Variants in SPEF2 observed in about 807,000 individuals in gnomAD.
SPEF2 encodes the protein sperm flagella and cilia-associated protein 2.
A neutral mutation model predicts 224.6 loss-of-function variants in SPEF2; 187 were observed. That is an observed-to-expected ratio of 0.83 (90% confidence interval 0.74 to 0.94). SPEF2 has a LOEUF of 0.94. Ranked by LOEUF, SPEF2 falls within the 40% of genes least tolerant of loss-of-function variation. The pLI is 0.00. For missense variants in SPEF2, 2,170 were observed against 2,135.6 expected, an observed-to-expected ratio of 1.02 and a Z score of -0.32; for synonymous variants, 715 against 707.3, an observed-to-expected ratio of 1.01 and a Z score of -0.17.
Position 35,670,057 on chromosome 5 carries a change from A to T in SPEF2, c.1356-2A>T, listed in dbSNP as rs1379883491. 6.3e-7 allele frequency: 1 copy of T among 1,585,336 alleles called. No homozygotes were observed. The highest frequency in any genetic ancestry group is 8.5e-7 in the Non-Finnish European group (1 of 1,170,472). ...CATCTCTACCTTTTTTTTGTGCGAT[A>T]GTCTGATTCCGTATAAGTTGATGCA... is the stretch of plus-strand genomic sequence containing the variant. On this transcript the variant is annotated splice_acceptor_variant, in intron 9 of 36. Coordinates refer to ENST00000356031, the MANE Select transcript of SPEF2 (RefSeq NM_024867.4). LOFTEE classifies it high-confidence loss of function.
In SPEF2 at chr5:35,789,442, A is replaced by T. The variant is rs1247913546; in HGVS notation, c.4448-2898A>T. On this transcript the variant is annotated intron_variant, in intron 30 of 36. Transcript: ENST00000356031. ...TTTGACTTGCGAAATTATCTGCCAG[A>T]TGTTTCTTCATTTAATTTGTTAGTT... 4.4e-6 allele frequency: 3 copies of T among 680,278 alleles called. No individual in the cohort carries two copies. The African/African-American group carries it at 5.3e-5, about 12-fold the overall frequency. The allele number at this position is 680,278 out of a possible 1,614,324, so 42.1% of individuals were successfully genotyped here.
At chr5:35,706,432 A>G (rs2149581560) in intron 18 of SPEF2, among the ~76,000 whole-genome samples, 1 of 152,130 alleles carries the variant, frequency 6.6e-6, no homozygotes, top group African/African-American at 2.4e-5. Context: ...CTAACTTTTT[A>G]TACTATTATT....
intron 8 of SPEF2, among the ~76,000 whole-genome samples, chr5:35,660,803 G>T (rs1374451022): frequency 6.6e-6 from 1 of 152,130 alleles, no homozygotes; most frequent in Non-Finnish European, 1.5e-5. Flanking sequence ...TAGCTGGACT[G>T]GTCTCACAGT....
In SPEF2 at chr5:35,800,027, G is replaced by A; in HGVS notation, c.4890G>A (p.Gln1630=). 1 of 1,614,108 alleles carries A rather than the reference G, an allele frequency of 6.2e-7. No homozygotes were observed. The highest frequency in any genetic ancestry group is 8.5e-7 in the Non-Finnish European group (1 of 1,180,016). Residue 1630 remains glutamine (Q), a synonymous_variant, in exon 34 of 37, where the codon CAG becomes CAA. Coordinates refer to ENST00000356031, the MANE Select transcript of SPEF2 (RefSeq NM_024867.4). ...EKDPPQLDYT[Q]MLLYFACHPD... is the part of the protein sequence containing the mutation. ...ATCCACCCCAGCTTGACTACACACA[G>A]ATGCTGCTTTACTTTGCTTGCCACC... is the stretch of plus-strand genomic sequence containing the variant.
chr5:35,705,404 A>G (rs1007058331), intron 17 of SPEF2, among the ~76,000 whole-genome samples: 1 of 151,982 alleles, frequency 6.6e-6, no homozygotes, highest in Non-Finnish European at 1.5e-5. Flanking sequence ...AGAGACCTGT[A>G]CTCCTACTAA....
intron 19 of SPEF2, chr5:35,710,834 T>C: frequency 3.0e-6 from 3 of 985,368 alleles, no homozygotes; most frequent in Non-Finnish European, 3.6e-6. Flanking sequence ...AAATAATAAA[T>C]CTATTGTTGC....
chr5:35,664,293 GAGGAAAGAAGGA>G (rs1750138921), intron 8 of SPEF2, among the ~76,000 whole-genome samples: 1 of 125,448 alleles, frequency 8.0e-6, no homozygotes, highest in Non-Finnish European at 1.7e-5. Flanking sequence ...AAAAAAAAAA[GAGGAAAGAAGGA>G]AGGAAGGAAG....
intron 26 of SPEF2, among the ~76,000 whole-genome samples, chr5:35,769,472 T>C (rs770900907): frequency 1.1e-4 from 16 of 152,290 alleles, no homozygotes; most frequent in Non-Finnish European, 1.8e-4. Flanking sequence ...AACCTTTCTG[T>C]ATTCCTCCAA....
chr5:35,690,970 A>T, intron 10 of SPEF2, 67 bp from the exon 11 acceptor site: 1 of 1,327,412 alleles, frequency 7.5e-7, no homozygotes, highest in Non-Finnish European at 1.0e-6. Context: ...TTTAACATTT[A>T]AATATTTCAT....
intron 30 of SPEF2, chr5:35,791,548 C>T (rs1755959255): frequency 6.6e-6 from 1 of 152,124 alleles, no homozygotes; most frequent in African/African-American, 2.4e-5. Flanking sequence ...CCTGGATACA[C>T]ATTAGGAGTC....
intron 19 of SPEF2, chr5:35,709,534 AAC>A (rs1393019507): frequency 2.0e-6 from 2 of 988,074 alleles, no homozygotes; most frequent in African/African-American, 3.5e-5. Context: ...AGAATAAGGG[AAC>A]AAATTAACAG....
At chr5:35,648,801 G>A (rs1580117327) in intron 5 of SPEF2, among the ~76,000 whole-genome samples, 1 of 152,146 alleles carries the variant, frequency 6.6e-6, no homozygotes, top group Middle Eastern at 3.4e-3. Context: ...ATCACCTGAG[G>A]TCAGGAGTTT....
intron 2 of SPEF2, among the ~76,000 whole-genome samples, chr5:35,640,937 G>T (rs1162479991): frequency 3.9e-5 from 6 of 152,044 alleles, no homozygotes; most frequent in Non-Finnish European, 8.8e-5. Context: ...GTGCTTTTAG[G>T]TTAGACTGTA....
In SPEF2 at chr5:35,807,122, T is replaced by C; in HGVS notation, c.5257-9T>C. On this transcript the variant is annotated splice_polypyrimidine_tract_variant and intron_variant, in intron 35 of 36. Coordinates refer to ENST00000356031, the MANE Select transcript of SPEF2 (RefSeq NM_024867.4). ...GGTTGATTAACTTCATTTTTTTTCTTCCTTAAAGGGCTTCATAAAAACATT... is the reference window on the plus strand; with the variant it reads ...GGTTGATTAACTTCATTTTTTTTCTCCCTTAAAGGGCTTCATAAAAACATT... 3.7e-6 allele frequency: 6 copies of C among 1,603,230 alleles called. No individual in the cohort carries two copies. Among genetic ancestry groups the C allele is most frequent in the Non-Finnish European group, 5.1e-6 (6 of 1,177,492 alleles).
chr5:35,760,257 G>A (rs994661224), intron 25 of SPEF2, among the ~76,000 whole-genome samples: 1 of 151,860 alleles, frequency 6.6e-6, no homozygotes, highest in Non-Finnish European at 1.5e-5. Context: ...CAGCTACTCA[G>A]GAGGCTGAGG....
At chr5:35,800,172 A>G in intron 34 of SPEF2, 25 bp downstream of exon 34, 3 of 1,611,828 alleles carry the variant, frequency 1.9e-6, no homozygotes, top group African/African-American at 1.3e-5. Flanking sequence ...GAAATAGACT[A>G]ACTATAGAGT....
intron 23 of SPEF2, among the ~76,000 whole-genome samples, chr5:35,752,217 C>T (rs940484805): frequency 2.4e-4 from 37 of 152,098 alleles, no homozygotes; most frequent in African/African-American, 6.3e-4. Flanking sequence ...TACCACCTCG[C>T]GGCCCAAGGG....
chr5:35,658,798 G>A (rs1226237199), intron 7 of SPEF2, among the ~76,000 whole-genome samples: 1 of 151,992 alleles, frequency 6.6e-6, no homozygotes, highest in Non-Finnish European at 1.5e-5. Context: ...TTTGTTTAAA[G>A]TAATTGTGAG....
intron 10 of SPEF2, among the ~76,000 whole-genome samples, chr5:35,682,898 T>G (rs956651535): frequency 2.0e-5 from 3 of 152,194 alleles, no homozygotes; most frequent in Admixed American, 1.3e-4. Flanking sequence ...GGCAGCATCA[T>G]TCAATCACTT....
Sources: gnomAD v4.1 joint callset for allele counts (sites outside exome capture counted in the v4.1 genomes callset) on GRCh38, gnomAD v4.1.1 for gene constraint, MANE v1.5 for transcripts, NCBI Gene and HGNC (gene_info 2026-07-23, HGNC 2026-07-21) for gene names.